The following ZNF600 variants were observed in gnomAD, a reference collection of about 807,000 sequenced individuals.
The protein encoded by ZNF600 is zinc finger protein KR-ZNF1.
Under a neutral mutation model 7.3 loss-of-function variants are expected in ZNF600, and 4 were observed. The observed-to-expected ratio is 0.55, with a 90% confidence interval of 0.27 to 1.25. The LOEUF is 1.25. Among genes scored for constraint, ZNF600 ranks in the 50% most tolerant of loss-of-function variants. ZNF600 has a pLI of 0.12. For missense variants in ZNF600, 911 were observed against 922.1 expected, an observed-to-expected ratio of 0.99 and a Z score of 0.16; for synonymous variants, 290 against 308.9, an observed-to-expected ratio of 0.94 and a Z score of 0.64.
the ZNF600 span, among the ~76,000 whole-genome samples, chr19:52,795,357 AAT>A: frequency 2.0e-5 from 3 of 152,318 alleles, no homozygotes; most frequent in Admixed American, 1.3e-4. Flanking sequence ...AAATGTTTCC[AAT>A]ATATGACACA....
the ZNF600 span, among the ~76,000 whole-genome samples, chr19:52,822,232 C>T: frequency 2.0e-5 from 3 of 151,838 alleles, no homozygotes; most frequent in Admixed American, 2.0e-4. Context: ...CCACCATGCC[C>T]GGTTAATTTT....
exon 4 of ZNF600, chr19:52,766,547 T>A: frequency 1.2e-6 from 2 of 1,614,118 alleles, no homozygotes; most frequent in Non-Finnish European, 8.5e-7. Flanking sequence ...TTCTAGTATG[T>A]CTTACCAGGT....
upstream of ZNF600, among the ~76,000 whole-genome samples, chr19:52,788,098 T>G (rs947464182): frequency 1.3e-5 from 2 of 151,192 alleles, no homozygotes; most frequent in African/African-American, 4.8e-5. Context: ...TCTCCATCCA[T>G]CTCTGGTGTG....
downstream of ZNF600, chr19:52,764,181 A>C (rs1051525695): frequency 2.6e-5 from 4 of 152,068 alleles, no homozygotes; most frequent in African/African-American, 9.7e-5. Context: ...ATGAGAACAA[A>C]AGCATTTTTA....
upstream of ZNF600, among the ~76,000 whole-genome samples, chr19:52,789,870 A>G (rs556728287): frequency 5.3e-5 from 8 of 152,034 alleles, no homozygotes; most frequent in South Asian, 1.7e-3. Flanking sequence ...CCAAAAAGAG[A>G]GTCAGTGAAG....
intron 1 of ZNF600, 146 bp from the exon 4 acceptor site, chr19:52,779,053 TC>T: frequency 1.4e-6 from 1 of 698,224 alleles, no homozygotes; most frequent in Non-Finnish European, 2.2e-6. Context: ...GATAAGAAAG[TC>T]CCACAGGACG....
intron 3 of ZNF600, among the ~76,000 whole-genome samples, chr19:52,772,700 A>T (rs2062640181): frequency 6.6e-6 from 1 of 152,056 alleles, no homozygotes. Context: ...CATGGACATG[A>T]CCCCAGTTTG....
upstream of ZNF600, among the ~76,000 whole-genome samples, chr19:52,787,158 A>T (rs549016367): frequency 6.6e-6 from 1 of 152,304 alleles, no homozygotes; most frequent in South Asian, 2.1e-4. Context: ...TCAGCTTCAA[A>T]GTGTTCCCTA....
chr19:52,781,579 CAACATAT>C (rs952313417), intron 1 of ZNF600, 115 bp from the exon 2 acceptor site: 2 of 152,122 alleles, frequency 1.3e-5, no homozygotes, highest in Admixed American at 6.5e-5. Flanking sequence ...CCAACATGGG[CAACATAT>C]AAACCCCATC....
chr19:52,796,257 G>T, the ZNF600 span, among the ~76,000 whole-genome samples: 1 of 152,148 alleles, frequency 6.6e-6, no homozygotes, highest in Admixed American at 6.5e-5. Context: ...CGAACCTCAG[G>T]AGGTCCTGAC....
the ZNF600 span, among the ~76,000 whole-genome samples, chr19:52,802,030 A>C: frequency 6.6e-6 from 1 of 152,208 alleles, no homozygotes; most frequent in South Asian, 2.1e-4. Context: ...ATCACATCAA[A>C]AAAAGAAAAA....
At chr19:52,767,274 G>A (rs1410366276) in exon 4 of ZNF600, 2 of 1,614,196 alleles carry the variant, frequency 1.2e-6, no homozygotes, top group Admixed American at 1.7e-5. Flanking sequence ...ACATTGGAAA[G>A]ATTTTTCTCT....
upstream of ZNF600, among the ~76,000 whole-genome samples, chr19:52,790,057 C>A (rs1041675044): frequency 2.6e-5 from 4 of 152,162 alleles, no homozygotes; most frequent in Non-Finnish European, 5.9e-5. Flanking sequence ...TCACTTAAGG[C>A]AAGGACCGGC....
the ZNF600 span, chr19:52,801,232 T>G: frequency 6.2e-7 from 1 of 1,614,152 alleles, no homozygotes; most frequent in East Asian, 2.2e-5. Context: ...ACATTCCGTT[T>G]TTGTGTGAGT....
the ZNF600 span, among the ~76,000 whole-genome samples, chr19:52,822,074 C>CTTTTTTTTTTTTTTTTTTTTTTTTT: frequency 2.5e-5 from 2 of 78,694 alleles, no homozygotes; most frequent in Non-Finnish European, 2.5e-5. Flanking sequence ...TTCTTTTTCC[C>CTTTTTTTTTTTTTTTTTTTTTTTTT]TTTTTTTTTT....
intron 3 of ZNF600, among the ~76,000 whole-genome samples, chr19:52,773,615 T>C (rs1364627680): frequency 6.6e-6 from 1 of 152,084 alleles, no homozygotes; most frequent in African/African-American, 2.4e-5. Context: ...CTCACGTCTG[T>C]AATCTCAGCT....
At chr19:52,817,820 C>G in the ZNF600 span, 2 of 1,557,738 alleles carry the variant, frequency 1.3e-6, no homozygotes, top group Non-Finnish European at 1.8e-6. Context: ...TGAAGGAAGG[C>G]ATGGGTGAGG....
At chr19:52,820,485 C>T in the ZNF600 span, among the ~76,000 whole-genome samples, 531 of 151,904 alleles carry the variant, frequency 3.5e-3, 2 homozygotes, top group African/African-American at 0.012. Flanking sequence ...AGATTTCCAC[C>T]TCTTCTCCCC....
chr19:52,805,018 C>T, the ZNF600 span: 1 of 152,158 alleles, frequency 6.6e-6, no homozygotes, highest in African/African-American at 2.4e-5. Flanking sequence ...CCAGTAATCC[C>T]AGCATTTTGG....
Sources: allele counts gnomAD v4.1 joint callset (sites outside exome capture counted in the v4.1 genomes callset), GRCh38; gene constraint gnomAD v4.1.1; transcripts MANE v1.5; gene names NCBI Gene and HGNC (gene_info 2026-07-23, HGNC 2026-07-21).